ADARB1: variants seen among roughly 807,000 people sequenced by gnomAD.
The protein encoded by ADARB1 is double-stranded RNA-specific editase 1.
A neutral mutation model predicts 52.4 loss-of-function variants in ADARB1; 10 were observed. That is an observed-to-expected ratio of 0.19 (90% CI 0.12 to 0.32). ADARB1 has a LOEUF of 0.32. Ranked by LOEUF, ADARB1 falls within the 10% of genes least tolerant of loss-of-function variation. The probability of loss-of-function intolerance (pLI) is 1.00; values close to 1 mark genes in which losing one functional copy is unlikely to be tolerated. For missense variants in ADARB1, 643 were observed against 922.3 expected (o/e 0.70, Z 3.92); for synonymous variants, 349 against 371.1 (o/e 0.94, Z 0.68).
At chr21:45,090,256 A>G (rs927733291) in intron 1 of ADARB1, among the ~76,000 whole-genome samples, 2 of 152,206 alleles carry the variant, frequency 1.3e-5, no homozygotes, top group African/African-American at 4.8e-5. Flanking sequence ...ATTCTGGGGA[A>G]AATCCTGTTT....
intron 1 of ADARB1, among the ~76,000 whole-genome samples, chr21:45,084,539 C>G (rs2086267077): frequency 6.6e-6 from 1 of 152,216 alleles, no homozygotes; most frequent in African/African-American, 2.4e-5. Flanking sequence ...TCTGTTTCCT[C>G]AGTCTTAGGG....
chr21:45,077,078 T>C (rs938624959), intron 1 of ADARB1, among the ~76,000 whole-genome samples: 4 of 152,234 alleles, frequency 2.6e-5, no homozygotes, highest in Non-Finnish European at 5.9e-5. Flanking sequence ...TGTATATGTT[T>C]TAATATATGA....
At chr21:45,178,086 A>G (rs1909823067) in intron 4 of ADARB1, among the ~76,000 whole-genome samples, 1 of 152,208 alleles carries the variant, frequency 6.6e-6, no homozygotes, top group African/African-American at 2.4e-5. Flanking sequence ...TAATATTGAC[A>G]GAGTGGCATA....
At chr21:45,148,116 C>A (rs76526431) in intron 2 of ADARB1, among the ~76,000 whole-genome samples, 2,114 of 152,300 alleles carry the variant, frequency 0.014, 46 homozygotes, top group African/African-American at 0.048. Context: ...GCTCTGCTTC[C>A]CCGAGGATCC....
At chr21:45,124,873 C>A (rs2088480907) in intron 1 of ADARB1, among the ~76,000 whole-genome samples, 1 of 151,954 alleles carries the variant, frequency 6.6e-6, no homozygotes, top group South Asian at 2.1e-4. Flanking sequence ...TCTCAGCTCA[C>A]TGCAGCCTCG....
chr21:45,081,998 A>G (rs1050851371), intron 1 of ADARB1, among the ~76,000 whole-genome samples: 2 of 152,218 alleles, frequency 1.3e-5, no homozygotes, highest in African/African-American at 4.8e-5. Context: ...CAGAGGTGGC[A>G]GAACTGGAGA....
At chr21:45,206,371 C>T (rs536390942) in intron 9 of ADARB1, among the ~76,000 whole-genome samples, 3 of 152,156 alleles carry the variant, frequency 2.0e-5, no homozygotes, top group Non-Finnish European at 2.9e-5. Flanking sequence ...AATCATTTTG[C>T]TAAAGAAATT....
chr21:45,083,369 T>G (rs1209072691), intron 1 of ADARB1, among the ~76,000 whole-genome samples: 1 of 152,228 alleles, frequency 6.6e-6, no homozygotes. Flanking sequence ...GTCTGTGTTA[T>G]CTCCAGATTT....
chr21:45,104,061 G>C (rs1421943357), intron 1 of ADARB1, among the ~76,000 whole-genome samples: 1 of 152,138 alleles, frequency 6.6e-6, no homozygotes, highest in Admixed American at 6.5e-5. Flanking sequence ...CTTTTGGGGA[G>C]GGGGGTCCCT....
At chr21:45,149,497 G>A (rs960285861) in intron 2 of ADARB1, among the ~76,000 whole-genome samples, 2 of 152,222 alleles carry the variant, frequency 1.3e-5, no homozygotes, top group African/African-American at 4.8e-5. Flanking sequence ...GATACAATAT[G>A]TTGTGTCTTC....
intron 1 of ADARB1, among the ~76,000 whole-genome samples, chr21:45,123,936 TTTTAA>T (rs1391972077): frequency 5.3e-5 from 8 of 152,340 alleles, no homozygotes; most frequent in African/African-American, 1.9e-4. Flanking sequence ...GTCCTTTTCT[TTTTAA>T]TTTTACCATG....
At chr21:45,134,895 C>A (rs1569050405) in intron 2 of ADARB1, 2 of 514,042 alleles carry the variant, frequency 3.9e-6, no homozygotes, top group Non-Finnish European at 8.0e-6. Context: ...CTGCCGTTGA[C>A]AGCTGGGTGA....
intron 1 of ADARB1, among the ~76,000 whole-genome samples, chr21:45,094,834 A>G (rs750021407): frequency 2.6e-5 from 4 of 152,112 alleles, no homozygotes; most frequent in Admixed American, 6.5e-5. Flanking sequence ...ATGTAAAGTC[A>G]TAACTGTGAT....
chr21:45,102,167 C>T (rs913297915), intron 1 of ADARB1, among the ~76,000 whole-genome samples: 1 of 152,226 alleles, frequency 6.6e-6, no homozygotes, highest in African/African-American at 2.4e-5. Context: ...GCTGGGATTA[C>T]AGATGTGAGC....
At position 45,224,051 on chromosome 21, in the gene ADARB1, G is replaced by A; in HGVS notation, c.*1854G>A. The A allele has an allele frequency of 3.0e-6, 3 of 985,388 alleles. No individual in the cohort carries two copies. The highest frequency in any genetic ancestry group is 3.6e-6 in the Non-Finnish European group (3 of 829,962). The allele number at this position is 985,388 out of a possible 1,614,324, so 61.0% of individuals were successfully genotyped here. A position where few individuals can be genotyped will look rare whatever the true frequency, so the allele number is the denominator to read the frequency against. The stretch of plus-strand genomic sequence containing the variant: ...GGTTCTGCACCTGCAGAAGGAGAGG[G>A]GTCTGTTGTCGCTGGCTTTCCCCCA... On this transcript the variant is annotated 3_prime_UTR_variant, in exon 11 of 11. Coordinates refer to ENST00000348831, the MANE Select transcript of ADARB1 (RefSeq NM_001112.4).
intron 8 of ADARB1, among the ~76,000 whole-genome samples, chr21:45,194,478 CT>C (rs1363280791): frequency 3.4e-5 from 5 of 144,958 alleles, no homozygotes; most frequent in Non-Finnish European, 7.5e-5. Flanking sequence ...CTGTTCACCC[CT>C]CTCACCTCTT....
intron 1 of ADARB1, among the ~76,000 whole-genome samples, chr21:45,120,222 A>G (rs1420130042): frequency 2.0e-5 from 3 of 152,230 alleles, no homozygotes; most frequent in East Asian, 1.9e-4. Flanking sequence ...CTCACAGCCC[A>G]TGGTGAGGGC....
chr21:45,153,026 A>G (rs1215400306), intron 2 of ADARB1, among the ~76,000 whole-genome samples: 2 of 152,236 alleles, frequency 1.3e-5, no homozygotes, highest in Non-Finnish European at 2.9e-5. Flanking sequence ...TTTTTCTCCC[A>G]GAGACAGATG....
chr21:45,082,739 A>G (rs1421453380), intron 1 of ADARB1, among the ~76,000 whole-genome samples: 1 of 152,188 alleles, frequency 6.6e-6, no homozygotes, highest in Non-Finnish European at 1.5e-5. Context: ...GGATGTTGCT[A>G]TTAAGGGTCA....
Sources: allele counts gnomAD v4.1 joint callset (sites outside exome capture counted in the v4.1 genomes callset), GRCh38; gene constraint gnomAD v4.1.1; transcripts MANE v1.5; gene names NCBI Gene and HGNC (gene_info 2026-07-23, HGNC 2026-07-21).